PDE3A: variants seen among roughly 807,000 people sequenced by gnomAD.
The protein encoded by PDE3A is phosphodiesterase 3A.
PDE3A carries 43 observed loss-of-function variants against 98.3 expected under a neutral mutation model. The observed-to-expected ratio is 0.44, with a 90% CI of 0.34 to 0.56. The LOEUF is 0.56. Among genes scored for constraint, PDE3A ranks in the 20% least tolerant of loss-of-function variants. The pLI is 0.01. For synonymous variants in PDE3A, 663 were observed against 567.9 expected, an observed-to-expected ratio of 1.17 and a Z score of -2.38; for missense variants, 1,427 against 1,440.7, an observed-to-expected ratio of 0.99 and a Z score of 0.15.
At chr12:20,521,317 G>A (rs1310017655) in intron 1 of PDE3A, among the ~76,000 whole-genome samples, 5 of 152,076 alleles carry the variant, frequency 3.3e-5, no homozygotes, top group African/African-American at 9.7e-5. Context: ...GTACGAAAGA[G>A]GAGTGGTAAC....
intron 6 of PDE3A, among the ~76,000 whole-genome samples, chr12:20,630,967 C>G (rs1358773681): frequency 6.6e-6 from 1 of 151,940 alleles, no homozygotes; most frequent in Non-Finnish European, 1.5e-5. Flanking sequence ...TCAAATATTA[C>G]CTCATAGACT....
chr12:20,525,467 T>TGGG (rs58441527), intron 1 of PDE3A, among the ~76,000 whole-genome samples: 1 of 139,856 alleles, frequency 7.2e-6, no homozygotes, highest in Non-Finnish European at 1.5e-5. Flanking sequence ...CTGATTTGGT[T>TGGG]GGGGGGGGGG....
chr12:20,565,631 G>A (rs2121296437), intron 2 of PDE3A, among the ~76,000 whole-genome samples: 1 of 151,778 alleles, frequency 6.6e-6, no homozygotes, highest in Non-Finnish European at 1.5e-5. Flanking sequence ...GTGAATTGAG[G>A]CAAAGAAAAC....
At chr12:20,378,563 A>G (rs1449166649) in intron 1 of PDE3A, among the ~76,000 whole-genome samples, 1 of 151,760 alleles carries the variant, frequency 6.6e-6, no homozygotes, top group Non-Finnish European at 1.5e-5. Context: ...TAGAAATTCT[A>G]AAAAGATCAA....
rs1287364640 is a variant in PDE3A, at chr12:20,648,703, G to A, written c.2581G>A (p.Asp861Asn). 1.2e-6 allele frequency: 2 copies of A among 1,609,852 alleles called. No homozygotes were observed. The highest frequency in any genetic ancestry group is 8.5e-7 in the Non-Finnish European group (1 of 1,176,416). The change falls in exon 13 of 16, where the codon GAT becomes AAT. Residue 861 changes from aspartate to asparagine, a missense_variant. Physicochemically the swap from Asp to Asn is conservative, Grantham distance 23 (BLOSUM62 1). Transcript: ENST00000359062. ...ATTTGCCTAGGCGGTGCTATATAAC[G>A]ATCGTTCAGTTTTGGAGAATCATCA... The part of the protein sequence containing the change: ...TSAPQAVLYN[D>N]RSVLENHHAA...
At position 20,654,656 on chromosome 12, in the gene PDE3A, C is replaced by A. The variant is rs557355468; in HGVS notation, c.3184+451C>A. Among the ~76,000 whole-genome samples, 35 of 146,826 alleles carry A rather than the reference C, an allele frequency of 2.4e-4. 1 individual carries two copies. In the South Asian group the frequency reaches 7.4e-3, roughly 31 times the overall value. ...GGACTACAGGTGCGCAACACTACAC[C>A]CGGCTTTTTTTTTTTTTTTTTTTTT... On this transcript the variant is annotated intron_variant, in intron 15 of 15. Coordinates refer to ENST00000359062, the MANE Select transcript of PDE3A (RefSeq NM_000921.5).
In PDE3A at chr12:20,665,667, A is replaced by G. The variant is rs183853266; in HGVS notation, c.3184+11462A>G. Among the ~76,000 whole-genome samples, 515 of 152,274 alleles carry G rather than the reference A, an allele frequency of 3.4e-3. 2 individuals are homozygous for G. Among genetic ancestry groups the G allele is most frequent in the African/African-American group, 0.012 (488 of 41,566 alleles). On this transcript the variant is annotated intron_variant, in intron 15 of 15. Coordinates refer to ENST00000359062, the MANE Select transcript of PDE3A (RefSeq NM_000921.5). ...TAATTTTCCAAAGTAGATGTAAAAA[A>G]TGTACATTCCTATAAGCAATATATT...
At chr12:20,404,801 A>C (rs1179142496) in intron 1 of PDE3A, among the ~76,000 whole-genome samples, 1 of 143,500 alleles carries the variant, frequency 7.0e-6, no homozygotes, top group Non-Finnish European at 1.5e-5. Context: ...GACCATTGCC[A>C]TTCCACACAT....
chr12:20,436,495 A>G (rs543424854), intron 1 of PDE3A, among the ~76,000 whole-genome samples: 1 of 152,166 alleles, frequency 6.6e-6, no homozygotes, highest in South Asian at 2.1e-4. Context: ...CTCCTATTGG[A>G]ATAACAGACC....
Position 20,369,596 on chromosome 12 carries a change from C to T in PDE3A, c.312C>T (p.Ala104=). The T allele has an allele frequency of 6.4e-7, 1 of 1,564,102 alleles. No homozygotes were observed. ...EAAAAEEEEA[A]PGAEGGVFPG... ...CGGCGGCGGAGGAGGAGGAAGCAGCCCCGGGAGCAGAAGGGGGCGTCTTCC... is the reference window on the plus strand; with the variant it reads ...CGGCGGCGGAGGAGGAGGAAGCAGCTCCGGGAGCAGAAGGGGGCGTCTTCC... The change falls in exon 1 of 16, where the codon GCC becomes GCT. Residue 104 remains alanine, a synonymous_variant. Coordinates refer to ENST00000359062, the MANE Select transcript of PDE3A (RefSeq NM_000921.5).
intron 1 of PDE3A, among the ~76,000 whole-genome samples, chr12:20,412,594 A>T (rs1944353816): frequency 6.6e-6 from 1 of 152,174 alleles, no homozygotes; most frequent in Non-Finnish European, 1.5e-5. Context: ...TGGCAATAGG[A>T]TTTAGAATGC....
intron 1 of PDE3A, among the ~76,000 whole-genome samples, chr12:20,432,906 T>C (rs944705703): frequency 6.6e-6 from 1 of 152,136 alleles, no homozygotes; most frequent in Non-Finnish European, 1.5e-5. Flanking sequence ...AAAAATGATA[T>C]ACATTTTAAT....
intron 1 of PDE3A, among the ~76,000 whole-genome samples, chr12:20,404,965 C>G (rs1220416050): frequency 6.7e-6 from 1 of 148,806 alleles, no homozygotes; most frequent in Non-Finnish European, 1.5e-5. Context: ...ACAGAGTTTT[C>G]TGCTACCTTT....
intron 2 of PDE3A, among the ~76,000 whole-genome samples, chr12:20,567,010 A>G (rs1238914387): frequency 6.6e-6 from 1 of 151,958 alleles, no homozygotes; most frequent in Non-Finnish European, 1.5e-5. Flanking sequence ...AGAGTACTCC[A>G]ATTAACTATA....
At chr12:20,489,378 T>A (rs889727528) in intron 1 of PDE3A, among the ~76,000 whole-genome samples, 2 of 152,160 alleles carry the variant, frequency 1.3e-5, no homozygotes, top group African/African-American at 4.8e-5. Context: ...AAGCAAGTCT[T>A]GAGGTGGGCA....
intron 1 of PDE3A, among the ~76,000 whole-genome samples, chr12:20,519,832 C>A (rs565569551): frequency 4.9e-4 from 75 of 152,048 alleles, no homozygotes; most frequent in Non-Finnish European, 9.9e-4. Context: ...ACTTTTGAGG[C>A]GGGTTTTGGA....
At chr12:20,570,283 C>T (rs1170324642) in intron 2 of PDE3A, among the ~76,000 whole-genome samples, 1 of 151,672 alleles carries the variant, frequency 6.6e-6, no homozygotes, top group Non-Finnish European at 1.5e-5. Flanking sequence ...TGGTGCATAC[C>T]TGTAATCCCA....
intron 1 of PDE3A, among the ~76,000 whole-genome samples, chr12:20,518,115 G>T (rs924977430): frequency 3.9e-5 from 6 of 152,092 alleles, no homozygotes; most frequent in African/African-American, 1.4e-4. Flanking sequence ...CTAAGAATGG[G>T]GAGACACAAC....
intron 1 of PDE3A, among the ~76,000 whole-genome samples, chr12:20,538,864 T>G (rs1340527902): frequency 6.6e-6 from 1 of 152,122 alleles, no homozygotes; most frequent in Admixed American, 6.5e-5. Context: ...CGGGCTGGTC[T>G]TGAACTCCTG....
Sources: gnomAD v4.1 joint callset for allele counts (sites outside exome capture counted in the v4.1 genomes callset) on GRCh38, gnomAD v4.1.1 for gene constraint, MANE v1.5 for transcripts, NCBI Gene and HGNC (gene_info 2026-07-23, HGNC 2026-07-21) for gene names.